Variants in PACRG observed in about 807,000 individuals in gnomAD.
The protein encoded by PACRG is parkin coregulated gene protein.
Under a neutral mutation model 29.7 loss-of-function variants are expected in PACRG, and 29 were observed. That is an observed-to-expected ratio of 0.98 (90% confidence interval 0.73 to 1.33). The LOEUF is 1.33. Among genes scored for constraint, PACRG ranks in the 40% most tolerant of loss-of-function variants. PACRG has a pLI of 0.00. For synonymous variants in PACRG, 116 were observed against 118.7 expected, an observed-to-expected ratio of 0.98 and a Z score of 0.15; for missense variants, 279 against 316.2, an observed-to-expected ratio of 0.88 and a Z score of 0.89.
chr6:163,167,373 A>G (rs1778862346), intron 4 of PACRG, among the ~76,000 whole-genome samples: 1 of 152,236 alleles, frequency 6.6e-6, no homozygotes, highest in African/African-American at 2.4e-5. Context: ...AGAGGGTCGC[A>G]GCTTAATCAC....
intron 2 of PACRG, among the ~76,000 whole-genome samples, chr6:162,975,932 C>T (rs1801918673): frequency 6.6e-6 from 1 of 152,056 alleles, no homozygotes; most frequent in Non-Finnish European, 1.5e-5. Flanking sequence ...CAAACCTGCC[C>T]CCTCGGAATT....
At chr6:162,998,145 G>C (rs1434628299) in intron 2 of PACRG, among the ~76,000 whole-genome samples, 1 of 152,212 alleles carries the variant, frequency 6.6e-6, no homozygotes, top group Non-Finnish European at 1.5e-5. Context: ...ATAGGGGCAG[G>C]CTGTCAATGT....
chr6:163,022,351 C>T (rs1003893627), intron 2 of PACRG, among the ~76,000 whole-genome samples: 1 of 152,200 alleles, frequency 6.6e-6, no homozygotes, highest in Non-Finnish European at 1.5e-5. Flanking sequence ...GTGTCTCTGG[C>T]TGAGCTCTTT....
intron 4 of PACRG, among the ~76,000 whole-genome samples, chr6:163,162,786 C>G (rs1309524814): frequency 6.6e-6 from 1 of 152,212 alleles, no homozygotes; most frequent in Admixed American, 6.5e-5. Context: ...CCAGAGCTGG[C>G]AAGAGCTGGC....
intron 4 of PACRG, among the ~76,000 whole-genome samples, chr6:163,267,201 G>T (rs1783562133): frequency 6.6e-6 from 1 of 152,126 alleles, no homozygotes; most frequent in Non-Finnish European, 1.5e-5. Context: ...TTCATCCTGG[G>T]ACCACAAATG....
chr6:162,767,936 C>A (rs1396275461), intron 1 of PACRG, among the ~76,000 whole-genome samples: 1 of 151,914 alleles, frequency 6.6e-6, no homozygotes, highest in African/African-American at 2.4e-5. Flanking sequence ...CTGCAATCAC[C>A]ACTCCCCTGA....
At chr6:162,857,206 C>T (rs775930629) in intron 2 of PACRG, among the ~76,000 whole-genome samples, 5 of 152,190 alleles carry the variant, frequency 3.3e-5, no homozygotes, top group Admixed American at 6.5e-5. Flanking sequence ...TAGCCCAGTC[C>T]GAGTTCTCTT....
Position 163,154,706 on chromosome 6 carries a change from A to C in PACRG, c.613+65298A>C, listed in dbSNP as rs140297233. Among the ~76,000 whole-genome samples, 1,171 of 152,342 alleles carry C rather than the reference A, an allele frequency of 7.7e-3. 14 individuals are homozygous for C. The highest frequency in any genetic ancestry group is 0.027 in the African/African-American group (1,120 of 41,580). On this transcript the variant is annotated intron_variant, in intron 4 of 4. Coordinates refer to ENST00000366888, the MANE Select transcript of PACRG (RefSeq NM_001080379.2). ...ATTTTTTTAAATATAAGTATGTGTC[A>C]TGAAATATTTAAGACATGCTTATAC... is the stretch of plus-strand genomic sequence containing the variant.
In PACRG at chr6:162,842,054, GA is replaced by G. The variant is rs1364779141; in HGVS notation, c.291+27780del. Among the ~76,000 whole-genome samples, 113 of 150,294 alleles carry G rather than the reference GA, an allele frequency of 7.5e-4. No individual in the cohort carries two copies. In the East Asian group the frequency reaches 0.011, roughly 15 times the overall value. ...TTTAGAATAGGTGTGGTGTGGTGCTGAAAAAAATGTATATTCTGTTGATTTG... is the reference window on the plus strand; with the variant it reads ...TTTAGAATAGGTGTGGTGTGGTGCTGAAAAAATGTATATTCTGTTGATTTG... On this transcript the variant is annotated intron_variant, in intron 2 of 4. Coordinates refer to ENST00000366888, the MANE Select transcript of PACRG (RefSeq NM_001080379.2).
intron 2 of PACRG, among the ~76,000 whole-genome samples, chr6:162,884,792 TC>T (rs1399828309): frequency 6.6e-6 from 1 of 152,074 alleles, no homozygotes; most frequent in Non-Finnish European, 1.5e-5. Flanking sequence ...TTTTCCCAGC[TC>T]CCCAATGATA....
chr6:162,928,210 A>G (rs914107575), intron 2 of PACRG, among the ~76,000 whole-genome samples: 2 of 151,832 alleles, frequency 1.3e-5, no homozygotes, highest in Non-Finnish European at 2.9e-5. Flanking sequence ...TTGGTCTGTT[A>G]AGGTTTTCTA....
rs1222285991 is a variant in PACRG, at chr6:163,314,865, A to G, written c.652A>G (p.Arg218Gly). The G allele has an allele frequency of 3.7e-6, 6 of 1,614,162 alleles. No homozygotes were observed. The highest frequency in any genetic ancestry group is 5.1e-6 in the Non-Finnish European group (6 of 1,180,034). The change falls in exon 5 of 5, where the codon AGG becomes GGG. Residue 218 changes from arginine (R) to glycine (G), a missense_variant. By Grantham distance (125) the Arg-to-Gly change is moderately radical. Transcript: ENST00000366888. ...CGGCATTGACTACAGCCAGCAGAAG[A>G]GGGAGAACATTGGGGACTTGATCCA... ...GDGIDYSQQK[R>G]ENIGDLIQET...
intron 1 of PACRG, among the ~76,000 whole-genome samples, chr6:162,763,272 G>T (rs1385667664): frequency 6.6e-6 from 1 of 152,158 alleles, no homozygotes; most frequent in African/African-American, 2.4e-5. Context: ...GCAATCTCCT[G>T]CACTTTCTTT....
chr6:162,904,312 T>C (rs1412486005), intron 2 of PACRG, among the ~76,000 whole-genome samples: 1 of 152,202 alleles, frequency 6.6e-6, no homozygotes, highest in African/African-American at 2.4e-5. Context: ...AAGTAACCAT[T>C]GCAGCCAGTG....
intron 4 of PACRG, among the ~76,000 whole-genome samples, chr6:163,129,843 T>C (rs6928555): frequency 0.012 from 1,766 of 152,336 alleles, 39 homozygotes; most frequent in African/African-American, 0.04. Flanking sequence ...GAGGATTAAA[T>C]GGGTTTATAT....
intron 4 of PACRG, among the ~76,000 whole-genome samples, chr6:163,314,010 T>G (rs1191938591): frequency 2.0e-5 from 3 of 152,194 alleles, no homozygotes; most frequent in Admixed American, 6.5e-5. Flanking sequence ...CTTTCCTTAG[T>G]GATTTGAGAT....
chr6:163,227,205 C>G (rs796812193), intron 4 of PACRG, among the ~76,000 whole-genome samples: 3 of 152,092 alleles, frequency 2.0e-5, no homozygotes, highest in African/African-American at 7.2e-5. Flanking sequence ...CAGGAGGCCT[C>G]GGGAAGCTTC....
At chr6:163,246,500 T>G (rs1362786774) in intron 4 of PACRG, among the ~76,000 whole-genome samples, 1 of 152,174 alleles carries the variant, frequency 6.6e-6, no homozygotes, top group African/African-American at 2.4e-5. Context: ...TTCATAATAT[T>G]TACAACCATC....
intron 4 of PACRG, among the ~76,000 whole-genome samples, chr6:163,220,214 G>A (rs1480466164): frequency 2.6e-5 from 4 of 152,078 alleles, no homozygotes; most frequent in Non-Finnish European, 5.9e-5. Flanking sequence ...GAGGGCGGGG[G>A]TGGGGGAGTG....
Sources: allele counts gnomAD v4.1 joint callset (sites outside exome capture counted in the v4.1 genomes callset), GRCh38; gene constraint gnomAD v4.1.1; transcripts MANE v1.5; gene names NCBI Gene and HGNC (gene_info 2026-07-23, HGNC 2026-07-21).